RNF180: variants seen among roughly 807,000 people sequenced by gnomAD.
RNF180 encodes ring finger protein 180.
A neutral mutation model predicts 59.2 loss-of-function variants in RNF180; 38 were observed. That is an observed-to-expected ratio of 0.64 (90% CI 0.50 to 0.84). The LOEUF (loss-of-function observed/expected upper bound fraction) is 0.84, where lower values mean the gene tolerates loss of function less well. Among genes scored for constraint, RNF180 ranks in the 40% least tolerant of loss-of-function variants. The pLI is 0.00. For missense variants in RNF180, 705 were observed against 700.9 expected, an observed-to-expected ratio of 1.01 and a Z score of -0.07; for synonymous variants, 262 against 240.3, an observed-to-expected ratio of 1.09 and a Z score of -0.84.
chr5:64,362,412 A>T (rs1333035412), intron 7 of RNF180, among the ~76,000 whole-genome samples: 1 of 151,936 alleles, frequency 6.6e-6, no homozygotes, highest in Non-Finnish European at 1.5e-5. Context: ...TGCAAAGGCC[A>T]TGATCTCATT....
At chr5:64,251,159 A>G (rs1330707824) in intron 5 of RNF180, among the ~76,000 whole-genome samples, 1 of 152,232 alleles carries the variant, frequency 6.6e-6, no homozygotes, top group African/African-American at 2.4e-5. Flanking sequence ...TTTTATGATA[A>G]TAGCTCAACA....
chr5:64,360,290 A>G (rs2197521), intron 7 of RNF180, among the ~76,000 whole-genome samples: 12,884 of 151,872 alleles, frequency 0.085, 753 homozygotes, highest in Non-Finnish European at 0.13. Flanking sequence ...AATCCAGCAT[A>G]TAAACAGAGC....
chr5:64,288,262 T>A (rs1742393520), intron 5 of RNF180, among the ~76,000 whole-genome samples: 1 of 152,224 alleles, frequency 6.6e-6, no homozygotes. Flanking sequence ...GGTCTATGTG[T>A]GTGCTTTTGT....
chr5:64,208,104 A>T (rs1175401300), intron 2 of RNF180, among the ~76,000 whole-genome samples: 1 of 152,098 alleles, frequency 6.6e-6, no homozygotes, highest in African/African-American at 2.4e-5. Flanking sequence ...AAATTAAGTG[A>T]TATTTTTCTG....
At chr5:64,272,610 G>C (rs138705473) in intron 5 of RNF180, among the ~76,000 whole-genome samples, 24 of 152,088 alleles carry the variant, frequency 1.6e-4, no homozygotes, top group African/African-American at 5.8e-4. Flanking sequence ...TTTTGACACA[G>C]TATGCAAAAA....
At chr5:64,230,337 C>G (rs1742024796) in intron 5 of RNF180, among the ~76,000 whole-genome samples, 1 of 152,228 alleles carries the variant, frequency 6.6e-6, no homozygotes, top group Non-Finnish European at 1.5e-5. Context: ...TGTCATTGGA[C>G]TAAAATCAAG....
At chr5:64,241,848 A>C (rs748630345) in intron 5 of RNF180, among the ~76,000 whole-genome samples, 1 of 152,044 alleles carries the variant, frequency 6.6e-6, no homozygotes, top group Non-Finnish European at 1.5e-5. Context: ...TTCCTGGGGG[A>C]AAAAGAGGGA....
chr5:64,195,848 A>G (rs1474328295), intron 1 of RNF180, among the ~76,000 whole-genome samples: 1 of 152,182 alleles, frequency 6.6e-6, no homozygotes, highest in Non-Finnish European at 1.5e-5. Context: ...ACAGGGCACC[A>G]TTCCATCACA....
At chr5:64,299,968 G>C (rs143350615) in intron 5 of RNF180, among the ~76,000 whole-genome samples, 1 of 151,856 alleles carries the variant, frequency 6.6e-6, no homozygotes, top group East Asian at 1.9e-4. Flanking sequence ...CAGTGTATCG[G>C]TGGTATGTAC....
intron 5 of RNF180, among the ~76,000 whole-genome samples, chr5:64,289,784 G>T (rs1742477022): frequency 6.6e-6 from 1 of 151,832 alleles, no homozygotes; most frequent in Non-Finnish European, 1.5e-5. Context: ...TCTCTCTTCT[G>T]TTCTTTATTA....
At chr5:64,194,208 T>G (rs1017126901) in intron 1 of RNF180, among the ~76,000 whole-genome samples, 1 of 152,096 alleles carries the variant, frequency 6.6e-6, no homozygotes, top group Non-Finnish European at 1.5e-5. Flanking sequence ...CCTGTGTCCA[T>G]GTGTTCTCAT....
intron 1 of RNF180, among the ~76,000 whole-genome samples, chr5:64,179,274 C>G (rs1750440210): frequency 6.6e-6 from 1 of 152,004 alleles, no homozygotes; most frequent in Non-Finnish European, 1.5e-5. Context: ...TCTGTGTGTT[C>G]TCACCACTTA....
chr5:64,296,882 G>A (rs1273946565), intron 5 of RNF180, among the ~76,000 whole-genome samples: 2 of 151,976 alleles, frequency 1.3e-5, no homozygotes, highest in African/African-American at 2.4e-5. Flanking sequence ...ATTTTGTATG[G>A]GAAAGGCCTT....
chr5:64,215,239 T>C (rs1561195567), intron 4 of RNF180, among the ~76,000 whole-genome samples: 1 of 152,168 alleles, frequency 6.6e-6, no homozygotes, highest in Non-Finnish European at 1.5e-5. Context: ...TTCGAACCAA[T>C]ATGTTTCTGA....
intron 5 of RNF180, among the ~76,000 whole-genome samples, chr5:64,307,082 G>A (rs1743509111): frequency 6.7e-6 from 1 of 149,480 alleles, no homozygotes; most frequent in South Asian, 2.1e-4. Flanking sequence ...AAGCTTAACT[G>A]TGAGCCAAAG....
At position 64,213,663 on chromosome 5, in the gene RNF180, G is replaced by A. The variant is rs373845774; in HGVS notation, c.337G>A (p.Val113Ile). ...ATGTTCCTGTGGCCAGCTTGCAGCT[G>A]TACATCTCTCCAAGAGCCGGACTGA... ...PKCSCGQLAA[V>I]HLSKSRTDYQ... The change falls in exon 4 of 8, where the codon GTA (valine) becomes ATA (isoleucine). Residue 113 changes from valine (V) to isoleucine (I), a missense_variant. Physicochemically the swap from Val to Ile is conservative, Grantham distance 29. Coordinates refer to ENST00000389100, the MANE Select transcript of RNF180 (RefSeq NM_001113561.2). 3.1e-6 allele frequency: 5 copies of A among 1,614,142 alleles called. No homozygotes were observed. The highest frequency in any genetic ancestry group is 1.6e-4 in the Middle Eastern group (1 of 6,062).
intron 5 of RNF180, among the ~76,000 whole-genome samples, chr5:64,274,344 C>G (rs1741596737): frequency 6.6e-6 from 1 of 151,662 alleles, no homozygotes; most frequent in Non-Finnish European, 1.5e-5. Flanking sequence ...TTAACACGCT[C>G]ATTTTTAAAA....
chr5:64,286,610 A>G (rs962936799), intron 5 of RNF180, among the ~76,000 whole-genome samples: 8 of 152,242 alleles, frequency 5.3e-5, no homozygotes, highest in South Asian at 2.1e-4. Flanking sequence ...AGCAAACTAA[A>G]TCCTTCAATC....
chr5:64,314,061 G>A (rs918895923), intron 5 of RNF180, among the ~76,000 whole-genome samples: 50 of 152,190 alleles, frequency 3.3e-4, no homozygotes, highest in Middle Eastern at 3.4e-3. Flanking sequence ...TTTGCTGGAT[G>A]CATAGTTTGA....
Sources: allele counts gnomAD v4.1 joint callset (sites outside exome capture counted in the v4.1 genomes callset), GRCh38; gene constraint gnomAD v4.1.1; transcripts MANE v1.5; gene names NCBI Gene and HGNC (gene_info 2026-07-23, HGNC 2026-07-21).